GNB1: variants seen among roughly 807,000 people sequenced by gnomAD.
GNB1 encodes the protein guanine nucleotide-binding protein G(I)/G(S)/G(T) subunit beta-1.
A neutral mutation model predicts 42.9 loss-of-function variants in GNB1; 2 were observed. The observed-to-expected ratio is 0.05, with a 90% CI of 0.02 to 0.15. GNB1 has a LOEUF of 0.15. Ranked by LOEUF, GNB1 falls within the 10% of genes least tolerant of loss-of-function variation. The probability of loss-of-function intolerance (pLI) is 1.00; values close to 1 mark genes in which losing one functional copy is unlikely to be tolerated. For missense variants in GNB1, 193 were observed against 462.2 expected (o/e 0.42, Z 5.34); for synonymous variants, 183 against 174.7 (o/e 1.05, Z -0.38).
chr1:1,890,996 T>C lies in GNB1; in HGVS notation c.-272A>G, dbSNP rs1307741030. The C allele has an allele frequency of 6.7e-6, 1 of 148,208 alleles. No homozygotes were observed. Among genetic ancestry groups the C allele is most frequent in the Non-Finnish European group, 1.5e-5 (1 of 68,432 alleles). 9.2% of individuals were successfully genotyped at this position (148,208 alleles called of 1,614,324 possible). On this transcript the variant is annotated 5_prime_UTR_variant, in exon 1 of 12. Transcript: ENST00000378609. ...CTCCACTCCCGGCCCCGCTCCCCAC[T>C]CGCCGCCCGCTCCCGCTCCCGCCGC...
intron 5 of GNB1, among the ~76,000 whole-genome samples, chr1:1,814,358 TCA>T (rs2100836540): frequency 6.6e-6 from 1 of 152,312 alleles, no homozygotes; most frequent in South Asian, 2.1e-4. Flanking sequence ...AACGAGCATG[TCA>T]CAGTTACACA....
chr1:1,798,580 GCCGTGTCTCCACTGC>G (rs1646578345), intron 7 of GNB1, among the ~76,000 whole-genome samples: 1 of 152,176 alleles, frequency 6.6e-6, no homozygotes, highest in South Asian at 2.1e-4. Context: ...GGCAAGGGCC[GCCGTGTCTCCACTGC>G]CCGAGAGGTA....
intron 10 of GNB1, 56 bp downstream of exon 10, chr1:1,788,997 T>C (rs560872734): frequency 1.6e-6 from 2 of 1,252,178 alleles, no homozygotes; most frequent in East Asian, 4.7e-5. Flanking sequence ...CTGTGTTTGC[T>C]CTAAAGATAC....
chr1:1,845,557 T>C (rs1057460494), intron 1 of GNB1, among the ~76,000 whole-genome samples: 1 of 151,862 alleles, frequency 6.6e-6, no homozygotes, highest in African/African-American at 2.4e-5. Context: ...TGGGTGACAG[T>C]GCGAGACTCC....
At chr1:1,859,859 C>T (rs961739084) in intron 1 of GNB1, among the ~76,000 whole-genome samples, 3 of 143,026 alleles carry the variant, frequency 2.1e-5, no homozygotes, top group African/African-American at 2.6e-5. Flanking sequence ...ACTAAAAATA[C>T]AAAAAAGGTG....
chr1:1,872,929 A>G (rs1649328905), intron 1 of GNB1, among the ~76,000 whole-genome samples: 1 of 152,220 alleles, frequency 6.6e-6, no homozygotes, highest in Non-Finnish European at 1.5e-5. Context: ...TGGGCATCCT[A>G]AAGCAGGAAG....
intron 2 of GNB1, among the ~76,000 whole-genome samples, chr1:1,838,428 C>T (rs567146222): frequency 1.3e-5 from 2 of 151,210 alleles, no homozygotes; most frequent in East Asian, 1.9e-4. Context: ...GAATCATGTT[C>T]ACCTTACTTT....
chr1:1,875,840 C>G (rs1218110652), intron 1 of GNB1, among the ~76,000 whole-genome samples: 1 of 151,672 alleles, frequency 6.6e-6, no homozygotes, highest in Non-Finnish European at 1.5e-5. Flanking sequence ...AACAGTGTCC[C>G]CCCCCCCAAA....
intron 7 of GNB1, among the ~76,000 whole-genome samples, chr1:1,803,076 C>G (rs1276894690): frequency 6.6e-6 from 1 of 152,192 alleles, no homozygotes; most frequent in African/African-American, 2.4e-5. Flanking sequence ...ACTAGTGACT[C>G]CATGAACTGA....
At chr1:1,846,071 A>T (rs758834633) in intron 1 of GNB1, among the ~76,000 whole-genome samples, 6 of 152,184 alleles carry the variant, frequency 3.9e-5, no homozygotes, top group Admixed American at 2.0e-4. Flanking sequence ...TAAAAAGAAC[A>T]TGTCAAAAAC....
Position 1,868,311 on chromosome 1 carries a change from G to A in GNB1, c.-96+22509C>T, listed in dbSNP as rs553752308. 3.9e-5 allele frequency among the ~76,000 whole-genome samples: 6 copies of A among 152,278 alleles called. No homozygotes were observed. The East Asian group carries it at 9.7e-4, about 25-fold the overall frequency. ...CTGCCTCAGCCTCCCGCGTAGCTGG[G>A]ATTACAGGCATGAGCCACCACATCC... On this transcript the variant is annotated intron_variant, in intron 1 of 11. Transcript: ENST00000378609.
chr1:1,789,344 G>A, intron 9 of GNB1, 75 bp from the exon 10 acceptor site: 1 of 827,656 alleles, frequency 1.2e-6, no homozygotes, highest in Middle Eastern at 2.3e-4. Flanking sequence ...TTGCTCAATG[G>A]TAGGGCTGCA....
intron 1 of GNB1, among the ~76,000 whole-genome samples, chr1:1,870,411 A>G (rs1649181718): frequency 1.3e-5 from 2 of 152,284 alleles, no homozygotes; most frequent in Non-Finnish European, 2.9e-5. Context: ...CCTGGCCTCA[A>G]GGGATCCTCG....
chr1:1,822,367 G>A (rs1166148200), intron 3 of GNB1, among the ~76,000 whole-genome samples: 3 of 149,092 alleles, frequency 2.0e-5, no homozygotes, highest in Non-Finnish European at 4.4e-5. Flanking sequence ...GCAGTGGCGC[G>A]CTCTCGCCTC....
chr1:1,829,561 AG>A (rs1647047942), intron 2 of GNB1, among the ~76,000 whole-genome samples: 1 of 152,202 alleles, frequency 6.6e-6, no homozygotes, highest in Non-Finnish European at 1.5e-5. Flanking sequence ...ACCAGGTGCC[AG>A]GAAGAGCGAA....
At chr1:1,812,844 C>T (rs886927131) in intron 5 of GNB1, among the ~76,000 whole-genome samples, 22 of 150,502 alleles carry the variant, frequency 1.5e-4, no homozygotes, top group Non-Finnish European at 2.8e-4. Flanking sequence ...CCCCCAGCCC[C>T]ACCTCCACTG....
intron 5 of GNB1, among the ~76,000 whole-genome samples, chr1:1,812,889 C>T (rs1646802188): frequency 7.5e-6 from 1 of 132,844 alleles, no homozygotes; most frequent in South Asian, 2.4e-4. Context: ...GGTCCCTGAA[C>T]ACACCTGCCT....
chr1:1,856,690 T>C (rs1648324281), intron 1 of GNB1, among the ~76,000 whole-genome samples: 1 of 152,220 alleles, frequency 6.6e-6, no homozygotes, highest in African/African-American at 2.4e-5. Flanking sequence ...CCTCCCAAAG[T>C]GCTGGGATTA....
intron 2 of GNB1, among the ~76,000 whole-genome samples, chr1:1,833,630 G>A (rs115297198): frequency 0.011 from 1,689 of 152,274 alleles, 28 homozygotes; most frequent in African/African-American, 0.038. Flanking sequence ...GGTAAATCAC[G>A]TGGAGTTACA....
Sources: gnomAD v4.1 joint callset for allele counts (sites outside exome capture counted in the v4.1 genomes callset) on GRCh38, gnomAD v4.1.1 for gene constraint, MANE v1.5 for transcripts, NCBI Gene and HGNC (gene_info 2026-07-23, HGNC 2026-07-21) for gene names.